The following GRAMD4 variants were observed in gnomAD, a reference collection of about 807,000 sequenced individuals.
GRAMD4 encodes the protein GRAM domain-containing protein 4.
In GRAMD4, 25 loss-of-function variants were observed where a neutral mutation model predicts 83.9. That is an observed-to-expected ratio of 0.30 (90% confidence interval 0.22 to 0.42). The LOEUF is 0.42. GRAMD4 is among the 10% of genes least tolerant of loss of function. The pLI is 1.00. For missense variants in GRAMD4, 593 were observed against 788.7 expected, an observed-to-expected ratio of 0.75 and a Z score of 2.97; for synonymous variants, 336 against 320.9, an observed-to-expected ratio of 1.05 and a Z score of -0.50.
chr22:46,643,254 A>ACCATCCGT (rs1335261854), intron 3 of GRAMD4, among the ~76,000 whole-genome samples: 1 of 7,102 alleles, frequency 1.4e-4, no homozygotes, highest in Non-Finnish European at 3.1e-4. Context: ...CATCCATCCA[A>ACCATCCGT]CCATCCGTCC....
chr22:46,587,665 T>C (rs2081164005), intron 1 of GRAMD4, among the ~76,000 whole-genome samples: 1 of 151,838 alleles, frequency 6.6e-6, no homozygotes, highest in Non-Finnish European at 1.5e-5. Flanking sequence ...TGTCCTGTCC[T>C]GTGGGAGAAG....
intron 17 of GRAMD4, among the ~76,000 whole-genome samples, chr22:46,676,200 G>A (rs762921830): frequency 6.6e-6 from 1 of 152,212 alleles, no homozygotes; most frequent in African/African-American, 2.4e-5. Flanking sequence ...GTGCAGTCAG[G>A]TGACCAGAAG....
At chr22:46,591,301 T>C (rs1232173583) in intron 1 of GRAMD4, among the ~76,000 whole-genome samples, 1 of 151,534 alleles carries the variant, frequency 6.6e-6, no homozygotes, top group Admixed American at 6.6e-5. Context: ...GAGGATTGCG[T>C]GAGCTCAGGA....
rs755025823 is a variant in GRAMD4, at chr22:46,626,883, G to A, written c.84G>A (p.Ser28=). The A allele has an allele frequency of 1.4e-4, 220 of 1,613,980 alleles. No homozygotes were observed. The highest frequency in any genetic ancestry group is 1.7e-4 in the Non-Finnish European group (204 of 1,179,966). Residue 28 remains serine, a synonymous_variant, in exon 2 of 19, where the codon TCG becomes TCA. Coordinates refer to ENST00000406902, the MANE Select transcript of GRAMD4 (RefSeq NM_015124.5). ...FLDLAESPNA[S]DTECSDEIPL... is the part of the protein sequence containing the mutation. ...ATCTAGCGGAGTCTCCAAATGCCTC[G>A]GACACCGAATGCAGCGACGAAATCC...
rs761773464 is a variant in GRAMD4 at position 46,667,973 on chromosome 22, T to G, written c.859-123T>G. On this transcript the variant is annotated intron_variant, in intron 10 of 18. Coordinates refer to ENST00000406902, the MANE Select transcript of GRAMD4 (RefSeq NM_015124.5). The stretch of plus-strand genomic sequence containing the variant: ...TGCCAGGTCCCCAAGGGATGTCCCA[T>G]CCCCCCTGGCTGTGTGGGGACAGCA... 17 of 679,944 alleles carry G rather than the reference T, an allele frequency of 2.5e-5. No individual in the cohort carries two copies. The South Asian group carries it at 3.1e-4, about 12-fold the overall frequency. The allele number at this position is 679,944 out of a possible 1,614,324, so 42.1% of individuals were successfully genotyped here.
At chr22:46,677,098 C>G in intron 18 of GRAMD4, 49 bp from the exon 19 acceptor site, 1 of 1,606,008 alleles carries the variant, frequency 6.2e-7, no homozygotes, top group Non-Finnish European at 8.5e-7. Context: ...CTGGTCCTGG[C>G]GCCAGCCTGG....
chr22:46,638,685 A>G (rs1296261209), intron 3 of GRAMD4, among the ~76,000 whole-genome samples: 1 of 152,196 alleles, frequency 6.6e-6, no homozygotes, highest in Non-Finnish European at 1.5e-5. Flanking sequence ...ATGAGTCCCA[A>G]ATTTCCTGCC....
chr22:46,593,147 G>T (rs1602305253), intron 1 of GRAMD4, among the ~76,000 whole-genome samples: 2 of 152,184 alleles, frequency 1.3e-5, no homozygotes, highest in South Asian at 2.1e-4. Flanking sequence ...TATTTGATTT[G>T]CAGACCTTTC....
chr22:46,641,669 G>A (rs1346107996), intron 3 of GRAMD4, among the ~76,000 whole-genome samples: 1 of 152,168 alleles, frequency 6.6e-6, no homozygotes, highest in African/African-American at 2.4e-5. Flanking sequence ...GCGGGGTTGG[G>A]TGACCCTCGG....
At position 46,673,658 on chromosome 22, in the gene GRAMD4, T is replaced by TCAGGCAGCA; in HGVS notation, c.1240-12_1240-11insCAGGCAGCA. The TCAGGCAGCA allele has an allele frequency of 6.2e-7, 1 of 1,608,656 alleles. No homozygotes were observed. On this transcript the variant is annotated splice_polypyrimidine_tract_variant and intron_variant, in intron 14 of 18. Transcript: ENST00000406902. Reference sequence around the variant, plus strand: ...CAGCGGGCCTGACCTCGACGCTGTTTGCCGTTGGCAGCTGCAGACGACCTC... The same window carrying TCAGGCAGCA: ...CAGCGGGCCTGACCTCGACGCTGTTTCAGGCAGCAGCCGTTGGCAGCTGCAGACGACCTC...
At chr22:46,594,061 C>T (rs1165941821) in intron 1 of GRAMD4, among the ~76,000 whole-genome samples, 1 of 151,682 alleles carries the variant, frequency 6.6e-6, no homozygotes, top group African/African-American at 2.4e-5. Flanking sequence ...ATGGGAACCT[C>T]TGGGCTCACC....
intron 2 of GRAMD4, among the ~76,000 whole-genome samples, chr22:46,631,000 C>T (rs927918742): frequency 1.3e-5 from 2 of 152,184 alleles, no homozygotes; most frequent in East Asian, 3.9e-4. Flanking sequence ...GCCCCCACCC[C>T]GGCCTCCACG....
At chr22:46,602,917 A>G (rs1015978102) in intron 1 of GRAMD4, among the ~76,000 whole-genome samples, 1 of 150,464 alleles carries the variant, frequency 6.6e-6, no homozygotes, top group Non-Finnish European at 1.5e-5. Flanking sequence ...TACTTTTTGT[A>G]TTTTTAGTAG....
intron 13 of GRAMD4, among the ~76,000 whole-genome samples, chr22:46,670,103 C>T (rs996040764): frequency 2.0e-5 from 3 of 152,184 alleles, no homozygotes; most frequent in African/African-American, 4.8e-5. Flanking sequence ...GTGCCGGAGT[C>T]GGGAGGTCAG....
At chr22:46,576,599 T>G (rs2147876382), upstream of GRAMD4, among the ~76,000 whole-genome samples, 1 of 152,326 alleles carries the variant, frequency 6.6e-6, no homozygotes, top group East Asian at 1.9e-4. Context: ...GCGGGGTTCG[T>G]GCTGCGTCCC....
At chr22:46,642,428 C>T (rs183912753) in intron 3 of GRAMD4, among the ~76,000 whole-genome samples, 1 of 152,342 alleles carries the variant, frequency 6.6e-6, no homozygotes, top group African/African-American at 2.4e-5. Context: ...TCCTAAGTGC[C>T]TGTGTAACCT....
chr22:46,584,477 C>T (rs1240814676), intron 1 of GRAMD4, among the ~76,000 whole-genome samples: 3 of 152,190 alleles, frequency 2.0e-5, no homozygotes, highest in Non-Finnish European at 4.4e-5. Context: ...TCTTTCTCGT[C>T]TCCTTTCTTG....
At chr22:46,647,925 C>T (rs1289249318) in intron 3 of GRAMD4, among the ~76,000 whole-genome samples, 1 of 152,206 alleles carries the variant, frequency 6.6e-6, no homozygotes, top group Non-Finnish European at 1.5e-5. Context: ...GTAAGGAGAC[C>T]CTTATTTGTC....
intron 1 of GRAMD4, among the ~76,000 whole-genome samples, chr22:46,603,170 A>C (rs1176278137): frequency 6.7e-6 from 1 of 149,766 alleles, no homozygotes; most frequent in Non-Finnish European, 1.5e-5. Flanking sequence ...GCCTTGCAAA[A>C]ATTTGTTTTT....
Sources: allele counts gnomAD v4.1 joint callset (sites outside exome capture counted in the v4.1 genomes callset), GRCh38; gene constraint gnomAD v4.1.1; transcripts MANE v1.5; gene names NCBI Gene and HGNC (gene_info 2026-07-23, HGNC 2026-07-21).